NRXN2: variants seen among roughly 807,000 people sequenced by gnomAD.
NRXN2 encodes neurexin-2-beta.
Under a neutral mutation model 128.8 loss-of-function variants are expected in NRXN2, and 29 were observed. That is an observed-to-expected ratio of 0.23 (90% CI 0.17 to 0.31). The LOEUF is 0.31. Among genes scored for constraint, NRXN2 ranks in the 10% least tolerant of loss-of-function variants. The pLI, the probability that NRXN2 is intolerant of heterozygous loss-of-function variation, is 1.00. For synonymous variants in NRXN2, 1,098 were observed against 1,075.2 expected, an observed-to-expected ratio of 1.02 and a Z score of -0.41; for missense variants, 1,881 against 2,452.6, an observed-to-expected ratio of 0.77 and a Z score of 4.92.
chr11:64,712,633 G>T, intron 2 of NRXN2: 1 of 478,464 alleles, frequency 2.1e-6, no homozygotes. Flanking sequence ...CTTCACGAAC[G>T]CCTCACAGAC....
intron 1 of NRXN2, among the ~76,000 whole-genome samples, chr11:64,719,632 T>C (rs746512923): frequency 6.6e-6 from 1 of 151,732 alleles, no homozygotes; most frequent in East Asian, 1.9e-4. Flanking sequence ...AGAGGTGCAA[T>C]GGAATGACTT....
intron 17 of NRXN2, among the ~76,000 whole-genome samples, chr11:64,641,597 G>A (rs1231008166): frequency 6.6e-6 from 1 of 151,986 alleles, no homozygotes; most frequent in East Asian, 1.9e-4. Flanking sequence ...GGCATGCAGA[G>A]AATCTTAGGG....
intron 2 of NRXN2, 41 bp downstream of exon 2, chr11:64,712,929 C>T (rs1328633799): frequency 1.5e-5 from 22 of 1,484,932 alleles, no homozygotes; most frequent in Non-Finnish European, 2.0e-5. Context: ...AGGCCCTCAC[C>T]CCCGCGCCCA....
chr11:64,644,290 G>A (rs1434734655), intron 17 of NRXN2, among the ~76,000 whole-genome samples: 1 of 151,802 alleles, frequency 6.6e-6, no homozygotes, highest in Admixed American at 6.6e-5. Context: ...TGCCACACAC[G>A]TACAACTCCC....
At position 64,667,134 on chromosome 11, in the gene NRXN2, A is replaced by T; in HGVS notation, c.1798+116T>A. 4.8e-6 allele frequency: 5 copies of T among 1,045,368 alleles called. No homozygotes were observed. In the South Asian group the frequency reaches 6.7e-5, roughly 14 times the overall value. 64.8% of individuals were successfully genotyped at this position (1,045,368 alleles called of 1,614,324 possible). A position where few individuals can be genotyped will look rare whatever the true frequency, so the allele number is the denominator to read the frequency against. On this transcript the variant is annotated intron_variant, in intron 9 of 22. Coordinates refer to ENST00000265459, the MANE Select transcript of NRXN2 (RefSeq NM_015080.4). This position sits in a 1 kb window ranked among gnomAD's most constrained non-coding sequence, Gnocchi z 5.6. ...GTGAGGGGGGTGGAGGAGAAGCGGCAGGGAAGAATATAGGAAATGGTGTAG... is the reference window on the plus strand; with the variant it reads ...GTGAGGGGGGTGGAGGAGAAGCGGCTGGGAAGAATATAGGAAATGGTGTAG...
In NRXN2 at chr11:64,607,724, G is replaced by A. The variant is rs1306970870; in HGVS notation, c.4611C>T (p.Asn1537=). ...LSPRKPAPRP[N]LRTDGATGAP... ...CGCCCGTGGCCCCATCTGTCCTGAG[G>A]TTGGGCCGGGGAGCGGGTTTGCGGG... The change falls in exon 23 of 23, where the codon AAC becomes AAT. Residue 1537 remains asparagine, a synonymous_variant. Coordinates refer to ENST00000265459, the MANE Select transcript of NRXN2 (RefSeq NM_015080.4). 1 of 1,564,508 alleles carries A rather than the reference G, an allele frequency of 6.4e-7. No homozygotes were observed. The highest frequency in any genetic ancestry group is 1.9e-5 in the Admixed American group (1 of 53,114).
chr11:64,624,564 A>G (rs1414783598), intron 20 of NRXN2, among the ~76,000 whole-genome samples: 1 of 152,242 alleles, frequency 6.6e-6, no homozygotes, highest in Non-Finnish European at 1.5e-5. Context: ...TCCCAGACAT[A>G]AGAATCATGA....
At chr11:64,621,615 T>C (rs914692088) in intron 21 of NRXN2, among the ~76,000 whole-genome samples, 14 of 151,980 alleles carry the variant, frequency 9.2e-5, no homozygotes, top group African/African-American at 3.1e-4. Flanking sequence ...AGGGAGAAGC[T>C]GAAGACAGAC....
chr11:64,706,064 TTA>T (rs149799719), intron 2 of NRXN2, among the ~76,000 whole-genome samples: 1 of 75,652 alleles, frequency 1.3e-5, no homozygotes, highest in Non-Finnish European at 2.4e-5. Flanking sequence ...TACAGCACTT[TTA>T]TATATATATA....
intron 17 of NRXN2, among the ~76,000 whole-genome samples, chr11:64,647,530 G>A (rs1051868458): frequency 6.6e-6 from 1 of 152,160 alleles, no homozygotes; most frequent in Non-Finnish European, 1.5e-5. Flanking sequence ...CTCTGGGGAG[G>A]GGCCTCAAAC....
chr11:64,628,063 T>C (rs2043328966), intron 19 of NRXN2, among the ~76,000 whole-genome samples: 1 of 152,190 alleles, frequency 6.6e-6, no homozygotes, highest in Non-Finnish European at 1.5e-5. Context: ...CAATCCTGTG[T>C]GTGTGTCTCC....
intron 18 of NRXN2, among the ~76,000 whole-genome samples, chr11:64,634,216 C>T (rs1284965861): frequency 6.6e-6 from 1 of 152,172 alleles, no homozygotes; most frequent in Non-Finnish European, 1.5e-5. Flanking sequence ...ATCCCCACAG[C>T]ACAGGGGTCC....
In NRXN2 at chr11:64,712,960, CG is replaced by C; in HGVS notation, c.730+9del. The C allele has an allele frequency of 6.6e-7, 1 of 1,503,976 alleles. No individual in the cohort carries two copies. Among genetic ancestry groups the C allele is most frequent in the Non-Finnish European group, 8.8e-7 (1 of 1,131,566 alleles). The allele number at this position is 1,503,976 out of a possible 1,614,324, so 93.2% of individuals were successfully genotyped here. Reference sequence around the variant, plus strand: ...GCCCAGGCACCGGGCGGCCGCTCCCCGGGGCTCACCTTCGCTGCAGAACTTG... The same window carrying C: ...GCCCAGGCACCGGGCGGCCGCTCCCCGGGCTCACCTTCGCTGCAGAACTTG... On this transcript the variant is annotated intron_variant, in intron 2 of 22. Coordinates refer to ENST00000265459, the MANE Select transcript of NRXN2 (RefSeq NM_015080.4).
intron 7 of NRXN2, among the ~76,000 whole-genome samples, chr11:64,669,769 C>A (rs1474243706): frequency 6.6e-6 from 1 of 152,214 alleles, no homozygotes; most frequent in African/African-American, 2.4e-5. Flanking sequence ...CCACGAGCCC[C>A]TACTCTAGGA....
chr11:64,671,850 C>G (rs1295898391), intron 7 of NRXN2, among the ~76,000 whole-genome samples: 1 of 152,048 alleles, frequency 6.6e-6, no homozygotes, highest in African/African-American at 2.4e-5. Context: ...CAGCAGGCGA[C>G]CCAACACTCA....
intron 21 of NRXN2, among the ~76,000 whole-genome samples, chr11:64,621,429 C>T (rs1336621953): frequency 6.6e-6 from 1 of 152,174 alleles, no homozygotes; most frequent in Non-Finnish European, 1.5e-5. Context: ...TCCCCAAGGG[C>T]TCCCTGCTCC....
chr11:64,653,712 G>A lies in NRXN2; in HGVS notation c.2400C>T (p.Arg800=), dbSNP rs371387618. Reference sequence around the variant, plus strand: ...GCCACTTACTGGGTGCGCAGCCGACGCGCAGGCAGTCTGGGGGGGCCATGG... The same window carrying A: ...GCCACTTACTGGGTGCGCAGCCGACACGCAGGCAGTCTGGGGGGGCCATGG... ...MKLTVNLDCL[R]VGCAPSKGPE... Residue 800 remains arginine, a synonymous_variant, in exon 12 of 23, where the codon CGC becomes CGT. Transcript: ENST00000265459. 7.3e-5 allele frequency: 117 copies of A among 1,595,446 alleles called. No homozygotes were observed. The highest frequency in any genetic ancestry group is 3.5e-4 in the Admixed American group (20 of 56,430).
At chr11:64,679,857 A>G (rs976300578) in intron 6 of NRXN2, among the ~76,000 whole-genome samples, 3 of 152,178 alleles carry the variant, frequency 2.0e-5, no homozygotes, top group African/African-American at 7.2e-5. Context: ...TGCAGCTTCC[A>G]CTGGAACCCA....
intron 2 of NRXN2, among the ~76,000 whole-genome samples, chr11:64,700,792 T>A (rs904121012): frequency 2.6e-5 from 4 of 152,206 alleles, no homozygotes; most frequent in Admixed American, 6.5e-5. Flanking sequence ...TCCTGTGCTC[T>A]TGACCTATGT....
Sources: gnomAD v4.1 joint callset for allele counts (sites outside exome capture counted in the v4.1 genomes callset) on GRCh38, gnomAD v4.1.1 for gene constraint, Gnocchi (gnomAD v3.1) non-coding constraint, MANE v1.5 for transcripts, NCBI Gene and HGNC (gene_info 2026-07-23, HGNC 2026-07-21) for gene names.